CADM2: variants seen among roughly 807,000 people sequenced by gnomAD.
The protein encoded by CADM2 is cell adhesion molecule 2.
Under a neutral mutation model 49.8 loss-of-function variants are expected in CADM2, and 12 were observed. That is an observed-to-expected ratio of 0.24 (90% CI 0.15 to 0.39). The LOEUF (loss-of-function observed/expected upper bound fraction) is 0.39. Among genes scored for constraint, CADM2 ranks in the 10% least tolerant of loss-of-function variants. CADM2 has a pLI of 1.00. For synonymous variants in CADM2, 214 were observed against 175.4 expected, an observed-to-expected ratio of 1.22 and a Z score of -1.74; for missense variants, 378 against 492.3, an observed-to-expected ratio of 0.77 and a Z score of 2.20.
chr3:86,063,147 G>A (rs181789059), intron 8 of CADM2, among the ~76,000 whole-genome samples: 27 of 152,112 alleles, frequency 1.8e-4, no homozygotes, highest in Admixed American at 1.7e-3. Flanking sequence ...AAGAAACAAC[G>A]TAAAGTTCCA....
At chr3:85,675,971 G>A (rs531654875) in intron 1 of CADM2, among the ~76,000 whole-genome samples, 165 of 152,326 alleles carry the variant, frequency 1.1e-3, no homozygotes, top group African/African-American at 3.9e-3. Context: ...AGCATTTACA[G>A]GCTAATTAGA....
chr3:85,502,113 A>G (rs958440188), intron 1 of CADM2, among the ~76,000 whole-genome samples: 2 of 152,170 alleles, frequency 1.3e-5, no homozygotes, highest in Non-Finnish European at 2.9e-5. Context: ...AAAATGGCTT[A>G]AAGTAAAGGA....
chr3:85,260,242 T>A (rs935298584), intron 1 of CADM2, among the ~76,000 whole-genome samples: 1 of 152,058 alleles, frequency 6.6e-6, no homozygotes. Flanking sequence ...TATATAATAA[T>A]AAAGCAAAAG....
intron 1 of CADM2, among the ~76,000 whole-genome samples, chr3:85,504,704 G>C (rs1348034691): frequency 7.2e-5 from 11 of 152,218 alleles, no homozygotes; most frequent in Admixed American, 5.2e-4. Flanking sequence ...TGGTCGATGG[G>C]ACTGGGCTCC....
chr3:86,035,928 A>G (rs1032932896), intron 8 of CADM2, among the ~76,000 whole-genome samples: 1 of 152,060 alleles, frequency 6.6e-6, no homozygotes, highest in Admixed American at 6.6e-5. Flanking sequence ...GGCTTGCAGA[A>G]GGCCATTTTC....
intron 5 of CADM2, among the ~76,000 whole-genome samples, chr3:85,908,598 C>A (rs1717128629): frequency 6.6e-6 from 1 of 151,868 alleles, no homozygotes; most frequent in African/African-American, 2.4e-5. Flanking sequence ...AAAGTAAGCA[C>A]AATAATAGAA....
chr3:85,207,158 C>T (rs1014085213), intron 1 of CADM2, among the ~76,000 whole-genome samples: 2 of 151,382 alleles, frequency 1.3e-5, no homozygotes, highest in Non-Finnish European at 2.9e-5. Flanking sequence ...AAAATACTTG[C>T]GTGAAACATG....
intron 1 of CADM2, among the ~76,000 whole-genome samples, chr3:85,202,535 T>A (rs1031590057): frequency 1.3e-5 from 2 of 152,102 alleles, no homozygotes; most frequent in East Asian, 3.9e-4. Flanking sequence ...ATTCAGTAAA[T>A]CACGCTGTAA....
chr3:85,094,912 G>T (rs1421054487), intron 1 of CADM2, among the ~76,000 whole-genome samples: 1 of 151,904 alleles, frequency 6.6e-6, no homozygotes, highest in East Asian at 1.9e-4. Context: ...TTTAAAATCA[G>T]ATATTAGCTT....
At chr3:85,539,579 A>G (rs897779370) in intron 1 of CADM2, among the ~76,000 whole-genome samples, 3 of 152,142 alleles carry the variant, frequency 2.0e-5, no homozygotes, top group East Asian at 3.9e-4. Flanking sequence ...CTTTAGTTCT[A>G]TTCTGTTGGA....
intron 1 of CADM2, among the ~76,000 whole-genome samples, chr3:85,268,506 G>C (rs1450681767): frequency 2.0e-5 from 3 of 151,286 alleles, no homozygotes; most frequent in Non-Finnish European, 4.4e-5. Context: ...GTATTTGACA[G>C]TTCAATTTTG....
intron 1 of CADM2, among the ~76,000 whole-genome samples, chr3:85,154,412 A>C (rs1165641111): frequency 6.6e-6 from 1 of 152,174 alleles, no homozygotes; most frequent in Non-Finnish European, 1.5e-5. Flanking sequence ...AGAAACGAGC[A>C]AAGCCTCCAA....
chr3:85,147,638 A>G (rs1234577577), intron 1 of CADM2, among the ~76,000 whole-genome samples: 1 of 152,170 alleles, frequency 6.6e-6, no homozygotes, highest in Non-Finnish European at 1.5e-5. Flanking sequence ...CTTCATAGAT[A>G]TGTATTCATT....
rs112807355 is a variant in CADM2 at position 85,608,577 on chromosome 3, G to A, written c.62-117945G>A. On this transcript the variant is annotated intron_variant, in intron 1 of 9. Transcript: ENST00000383699. ...CACAAGTGAATGGCATTGTAAAATC[G>A]ATGGGATAAAGCATCCAAACCTACC... 3.9e-3 allele frequency among the ~76,000 whole-genome samples: 599 copies of A among 152,186 alleles called. 3 individuals carry two copies. The highest frequency in any genetic ancestry group is 0.013 in the African/African-American group (534 of 41,548).
intron 1 of CADM2, among the ~76,000 whole-genome samples, chr3:85,290,635 A>G (rs1383789335): frequency 6.6e-6 from 1 of 152,160 alleles, no homozygotes; most frequent in Non-Finnish European, 1.5e-5. Flanking sequence ...CTGACCCTTG[A>G]CCCCTGAGCT....
At chr3:85,167,387 A>G (rs905241639) in intron 1 of CADM2, among the ~76,000 whole-genome samples, 9 of 152,080 alleles carry the variant, frequency 5.9e-5, no homozygotes, top group Non-Finnish European at 1.3e-4. Flanking sequence ...TACATAATAA[A>G]ATGGATATAA....
At chr3:85,696,521 G>A (rs550493337) in intron 1 of CADM2, among the ~76,000 whole-genome samples, 1 of 152,098 alleles carries the variant, frequency 6.6e-6, no homozygotes, top group Non-Finnish European at 1.5e-5. Context: ...TATCGAATAG[G>A]ATTATCTTTT....
chr3:85,169,142 T>C (rs1397038401), intron 1 of CADM2, among the ~76,000 whole-genome samples: 2 of 151,742 alleles, frequency 1.3e-5, no homozygotes, highest in East Asian at 3.9e-4. Flanking sequence ...CTGTTTTGTT[T>C]TGTTTTGTTT....
rs534814801 is a variant in CADM2 at position 85,899,817 on chromosome 3, C to A, written c.530-12556C>A. 7.9e-5 allele frequency among the ~76,000 whole-genome samples: 12 copies of A among 152,250 alleles called. No individual in the cohort carries two copies. The East Asian group carries it at 2.3e-3, about 29-fold the overall frequency. On this transcript the variant is annotated intron_variant, in intron 5 of 9. Coordinates refer to ENST00000383699, the MANE Select transcript of CADM2 (RefSeq NM_001167675.2). The stretch of plus-strand genomic sequence containing the variant: ...TACGGTCCTGTTTGAACATCATATG[C>A]AATTTCCTCTAATCCTTTCAAATAG...
Sources: gnomAD v4.1 joint callset for allele counts (sites outside exome capture counted in the v4.1 genomes callset) on GRCh38, gnomAD v4.1.1 for gene constraint, MANE v1.5 for transcripts, NCBI Gene and HGNC (gene_info 2026-07-23, HGNC 2026-07-21) for gene names.